ERC2: variants seen among roughly 807,000 people sequenced by gnomAD.
ERC2 encodes the protein ELKS/RAB6-interacting/CAST family member 2.
ERC2 carries 42 observed loss-of-function variants against 114.8 expected under a neutral mutation model. That is an observed-to-expected ratio of 0.37 (90% CI 0.29 to 0.47). The LOEUF is 0.47. Ranked by LOEUF, ERC2 falls within the 20% of genes least tolerant of loss-of-function variation. The pLI, the probability that ERC2 is intolerant of heterozygous loss-of-function variation, is 0.99. For synonymous variants in ERC2, 454 were observed against 425.5 expected (o/e 1.07, Z -0.82); for missense variants, 939 against 1,150.7 (o/e 0.82, Z 2.66).
intron 6 of ERC2, among the ~76,000 whole-genome samples, chr3:56,092,141 T>C (rs1490952010): frequency 6.6e-6 from 1 of 152,188 alleles, no homozygotes; most frequent in Non-Finnish European, 1.5e-5. Context: ...TAACCACATA[T>C]ATCATTTAAG....
chr3:56,106,094 C>A (rs887978288), intron 6 of ERC2, among the ~76,000 whole-genome samples: 4 of 152,142 alleles, frequency 2.6e-5, no homozygotes, highest in Non-Finnish European at 5.9e-5. Flanking sequence ...TATGAAGATC[C>A]AAACTGTATA....
In ERC2 at chr3:56,018,926, G is replaced by A. The variant is rs767437080; in HGVS notation, c.1747C>T (p.Leu583=). The A allele has an allele frequency of 6.2e-7, 1 of 1,613,248 alleles. No homozygotes were observed. The highest frequency in any genetic ancestry group is 8.5e-7 in the Non-Finnish European group (1 of 1,179,488). The part of the protein sequence containing the change: ...QTDSSNTDTA[L]ATLEEALSEK... ...GACAGAGCTTCCTCTAGCGTCGCCA[G>A]TGCAGTATCTGTATTACTGGAATCC... The change falls in exon 8 of 18, where the codon CTG becomes TTG. Residue 583 remains leucine, a synonymous_variant. Coordinates refer to ENST00000288221, the MANE Select transcript of ERC2 (RefSeq NM_015576.3).
intron 14 of ERC2, among the ~76,000 whole-genome samples, chr3:55,787,041 T>G (rs1250736585): frequency 1.3e-5 from 2 of 152,194 alleles, no homozygotes; most frequent in Non-Finnish European, 2.9e-5. Flanking sequence ...CCAGCTTTCC[T>G]AATTACTATC....
intron 3 of ERC2, among the ~76,000 whole-genome samples, chr3:56,214,751 A>G (rs1011806286): frequency 1.3e-5 from 2 of 152,014 alleles, no homozygotes; most frequent in African/African-American, 2.4e-5. Flanking sequence ...GAGAAAGGTC[A>G]TGTTACCCAC....
chr3:56,109,858 T>C (rs760165639), intron 6 of ERC2, among the ~76,000 whole-genome samples: 9 of 152,326 alleles, frequency 5.9e-5, no homozygotes, highest in Non-Finnish European at 1.0e-4. Context: ...ACAGGACTTA[T>C]CTGATCCTTG....
intron 3 of ERC2, among the ~76,000 whole-genome samples, chr3:56,215,363 C>G (rs1279620507): frequency 6.6e-6 from 1 of 152,158 alleles, no homozygotes; most frequent in African/African-American, 2.4e-5. Context: ...ATAAAACAGA[C>G]TTTAAACCAA....
intron 17 of ERC2, among the ~76,000 whole-genome samples, chr3:55,533,523 C>G (rs1248504234): frequency 2.6e-5 from 4 of 152,196 alleles, no homozygotes; most frequent in Admixed American, 2.6e-4. Context: ...TCCATCCAAA[C>G]CCCGAGTCCA....
At chr3:56,419,311 A>G (rs1052924650) in intron 2 of ERC2, among the ~76,000 whole-genome samples, 2 of 152,366 alleles carry the variant, frequency 1.3e-5, no homozygotes, top group Non-Finnish European at 1.5e-5. Flanking sequence ...AGTGATATAG[A>G]ATTGCCAGAG....
At chr3:55,655,599 C>A (rs2060822643) in intron 17 of ERC2, among the ~76,000 whole-genome samples, 2 of 152,198 alleles carry the variant, frequency 1.3e-5, no homozygotes, top group African/African-American at 4.8e-5. Context: ...ACCAAGCCTC[C>A]CTGGCCCATT....
chr3:56,232,290 C>A (rs1052858587), intron 3 of ERC2, among the ~76,000 whole-genome samples: 3 of 150,872 alleles, frequency 2.0e-5, no homozygotes, highest in South Asian at 2.1e-4. Context: ...AATTATAAAC[C>A]AAAACAATCC....
chr3:55,738,263 T>C (rs1424052452), intron 14 of ERC2, among the ~76,000 whole-genome samples: 1 of 152,104 alleles, frequency 6.6e-6, no homozygotes, highest in Admixed American at 6.5e-5. Flanking sequence ...CATAAAGCTA[T>C]ACTCATAGGA....
rs1368183133 is a variant in ERC2 at position 55,508,570 on chromosome 3, T to C, written c.*2746A>G. ...CACATGCCACTCACTTGAAGAAATATTACAAGAAGCACTATCAAACGAGGG... is the reference window on the plus strand; with the variant it reads ...CACATGCCACTCACTTGAAGAAATACTACAAGAAGCACTATCAAACGAGGG... On this transcript the variant is annotated 3_prime_UTR_variant, in exon 18 of 18. Transcript: ENST00000288221. 1 of 152,442 alleles carries C rather than the reference T, an allele frequency of 6.6e-6. No homozygotes were observed. Among genetic ancestry groups the C allele is most frequent in the African/African-American group, 2.4e-5 (1 of 41,372 alleles). The allele number at this position is 152,442 out of a possible 1,614,324, so 9.4% of individuals were successfully genotyped here. A position where few individuals can be genotyped will look rare whatever the true frequency, so the allele number is the denominator to read the frequency against.
At chr3:56,410,269 T>A (rs2060890552) in intron 2 of ERC2, among the ~76,000 whole-genome samples, 1 of 152,226 alleles carries the variant, frequency 6.6e-6, no homozygotes, top group African/African-American at 2.4e-5. Context: ...ATTTAGTAAG[T>A]GAACTTTGGT....
intron 3 of ERC2, among the ~76,000 whole-genome samples, chr3:56,259,395 C>CA (rs978586954): frequency 1.3e-5 from 2 of 152,014 alleles, no homozygotes; most frequent in African/African-American, 4.8e-5. Context: ...CGCCTTACCG[C>CA]AAAAAATATA....
At chr3:56,256,864 A>T (rs1311790696) in intron 3 of ERC2, among the ~76,000 whole-genome samples, 4 of 152,020 alleles carry the variant, frequency 2.6e-5, no homozygotes. Flanking sequence ...TTCTACCATG[A>T]TTATAGGTTT....
chr3:55,954,084 A>T (rs1464612096), intron 12 of ERC2, among the ~76,000 whole-genome samples: 15 of 20,294 alleles, frequency 7.4e-4, no homozygotes, highest in Admixed American at 4.7e-3. Flanking sequence ...CATTATTTAA[A>T]AAAAAAAAAA....
intron 17 of ERC2, among the ~76,000 whole-genome samples, chr3:55,583,332 T>C (rs1358934148): frequency 6.6e-6 from 1 of 150,548 alleles, no homozygotes. Flanking sequence ...TGTGGAAGCT[T>C]GCCTGCCTGT....
chr3:55,652,357 T>C (rs1013395085), intron 17 of ERC2, among the ~76,000 whole-genome samples: 1 of 152,184 alleles, frequency 6.6e-6, no homozygotes, highest in African/African-American at 2.4e-5. Context: ...ATTTTATTTT[T>C]TTTCCCCCAA....
intron 12 of ERC2, among the ~76,000 whole-genome samples, chr3:55,961,310 C>G (rs113220790): frequency 2.1e-3 from 315 of 152,208 alleles, no homozygotes; most frequent in African/African-American, 7.4e-3. Context: ...TTTACCTCAC[C>G]CCCACCCTGC....
Sources: allele counts gnomAD v4.1 joint callset (sites outside exome capture counted in the v4.1 genomes callset), GRCh38; gene constraint gnomAD v4.1.1; transcripts MANE v1.5; gene names NCBI Gene and HGNC (gene_info 2026-07-23, HGNC 2026-07-21).